The following SYNJ1 variants were observed in gnomAD, a reference collection of about 807,000 sequenced individuals.
SYNJ1 encodes synaptojanin 1, also known as polyphosphatidylinositol phosphatase SYNJ1.
A neutral mutation model predicts 168.2 loss-of-function variants in SYNJ1; 78 were observed. The observed-to-expected ratio is 0.46, with a 90% CI of 0.39 to 0.56. SYNJ1 has a LOEUF of 0.56. Among genes scored for constraint, SYNJ1 ranks in the 20% least tolerant of loss-of-function variants. The pLI is 0.00. For synonymous variants in SYNJ1, 539 were observed against 548.6 expected (o/e 0.98, Z 0.24); for missense variants, 1,303 against 1,597.6 (o/e 0.82, Z 3.14).
chr21:32,688,188 T>A, intron 7 of SYNJ1, 118 bp downstream of exon 7: 1 of 880,292 alleles, frequency 1.1e-6, no homozygotes, highest in Non-Finnish European at 1.7e-6. Context: ...TTCAATTAAA[T>A]TAGGAGTCAG....
At chr21:32,641,682 T>A (rs575083825) in intron 29 of SYNJ1, among the ~76,000 whole-genome samples, 13 of 152,354 alleles carry the variant, frequency 8.5e-5, no homozygotes, top group African/African-American at 3.1e-4. Flanking sequence ...TTTAAGTGTA[T>A]CACTTTTATC....
intron 2 of SYNJ1, among the ~76,000 whole-genome samples, chr21:32,705,928 A>G (rs1355108670): frequency 6.6e-6 from 1 of 152,158 alleles, no homozygotes; most frequent in Non-Finnish European, 1.5e-5. Context: ...TCAAGGCTGC[A>G]GTGAGCTGAG....
intron 18 of SYNJ1, among the ~76,000 whole-genome samples, chr21:32,663,427 C>G (rs1175337940): frequency 6.6e-6 from 1 of 152,122 alleles, no homozygotes; most frequent in Admixed American, 6.5e-5. Flanking sequence ...CGTGTGGACC[C>G]ATCCGGAGTC....
intron 2 of SYNJ1, among the ~76,000 whole-genome samples, chr21:32,719,298 C>T (rs906466488): frequency 6.6e-6 from 1 of 152,232 alleles, no homozygotes; most frequent in Non-Finnish European, 1.5e-5. Flanking sequence ...CAGTGCATTC[C>T]TTGGATGATA....
intron 2 of SYNJ1, among the ~76,000 whole-genome samples, chr21:32,724,261 G>T (rs1213212958): frequency 1.3e-5 from 2 of 152,210 alleles, no homozygotes; most frequent in Non-Finnish European, 2.9e-5. Flanking sequence ...GCTGAGGCAG[G>T]CGAATCACCT....
chr21:32,642,203 T>A, intron 27 of SYNJ1, 70 bp from the exon 28 acceptor site: 2 of 1,564,246 alleles, frequency 1.3e-6, no homozygotes, highest in Non-Finnish European at 1.8e-6. Flanking sequence ...TAACATCAGC[T>A]TGCTGTTCTG....
chr21:32,644,937 T>C, intron 26 of SYNJ1, 31 bp downstream of exon 26: 1 of 1,602,952 alleles, frequency 6.2e-7, no homozygotes, highest in Non-Finnish European at 8.5e-7. Flanking sequence ...TGAACCACGA[T>C]TCACACATGC....
At chr21:32,674,327 C>A (rs1015682069) in intron 13 of SYNJ1, among the ~76,000 whole-genome samples, 8 of 152,230 alleles carry the variant, frequency 5.3e-5, no homozygotes, top group African/African-American at 1.4e-4. Context: ...TCCAATGAGG[C>A]CTTCTCTGAC....
chr21:32,706,065 G>GA (rs1569118838), intron 2 of SYNJ1, among the ~76,000 whole-genome samples: 1 of 152,098 alleles, frequency 6.6e-6, no homozygotes, highest in African/African-American at 2.4e-5. Context: ...AAGACACTAT[G>GA]AAAAAAGCAC....
Position 32,684,047 on chromosome 21 carries a change from A to G in SYNJ1, c.1191T>C (p.Leu397=). The change falls in exon 10 of 33, where the codon CTT becomes CTC. Residue 397 remains leucine, a synonymous_variant. Coordinates refer to ENST00000674351, the MANE Select transcript of SYNJ1 (RefSeq NM_203446.3). ...TAATTTATTCTTTTACCTCTAAGCC[A>G]AGAAATGCCTGCACACTATTTGTTC... ...LDRTNSVQAF[L]GLEMLAKQLE... 6.2e-7 allele frequency: 1 copy of G among 1,613,652 alleles called. No homozygotes were observed. The highest frequency in any genetic ancestry group is 8.5e-7 in the Non-Finnish European group (1 of 1,179,710).
intron 12 of SYNJ1, among the ~76,000 whole-genome samples, chr21:32,676,747 T>C (rs1375716321): frequency 6.6e-6 from 1 of 152,192 alleles, no homozygotes; most frequent in Non-Finnish European, 1.5e-5. Context: ...ACACACCTTT[T>C]AGTATTCTTT....
chr21:32,643,485 T>G (rs1393927159), intron 26 of SYNJ1, 28 bp from the exon 27 acceptor site: 1 of 1,609,688 alleles, frequency 6.2e-7, no homozygotes, highest in Non-Finnish European at 8.5e-7. Flanking sequence ...AGAAACTATA[T>G]ATTGTTCAGG....
chr21:32,724,494 C>T (rs1321351016), intron 2 of SYNJ1, among the ~76,000 whole-genome samples: 1 of 152,104 alleles, frequency 6.6e-6, no homozygotes, highest in Non-Finnish European at 1.5e-5. Context: ...TCTCAAAAAA[C>T]AAACAAGCAA....
intron 2 of SYNJ1, among the ~76,000 whole-genome samples, chr21:32,710,347 T>A (rs921015888): frequency 2.0e-5 from 3 of 152,174 alleles, no homozygotes. Flanking sequence ...CCAAATAAAA[T>A]GTTAAAAAAA....
At chr21:32,714,139 C>T (rs2042938407) in intron 2 of SYNJ1, among the ~76,000 whole-genome samples, 2 of 152,086 alleles carry the variant, frequency 1.3e-5, no homozygotes, top group Middle Eastern at 3.4e-3. Flanking sequence ...TTTGAGCAGA[C>T]GGAACAGCAT....
At chr21:32,719,898 T>C (rs1047078219) in intron 2 of SYNJ1, among the ~76,000 whole-genome samples, 1 of 151,978 alleles carries the variant, frequency 6.6e-6, no homozygotes, top group Non-Finnish European at 1.5e-5. Context: ...CCTAACTATT[T>C]AATAAACAGA....
intron 2 of SYNJ1, among the ~76,000 whole-genome samples, chr21:32,714,078 C>A (rs900291566): frequency 6.6e-6 from 1 of 152,054 alleles, no homozygotes; most frequent in African/African-American, 2.4e-5. Flanking sequence ...GATTTATATA[C>A]TTTTCTACAT....
At chr21:32,701,700 G>T (rs2042408740) in intron 3 of SYNJ1, among the ~76,000 whole-genome samples, 1 of 152,086 alleles carries the variant, frequency 6.6e-6, no homozygotes, top group South Asian at 2.1e-4. Context: ...TTTCTCTTTT[G>T]ACAACTGATA....
At chr21:32,693,345 G>A (rs997050923) in intron 6 of SYNJ1, among the ~76,000 whole-genome samples, 6 of 152,136 alleles carry the variant, frequency 3.9e-5, no homozygotes, top group African/African-American at 2.4e-5. Context: ...AAGTCAAATC[G>A]TCTTGACAAG....
Sources: allele counts gnomAD v4.1 joint callset (sites outside exome capture counted in the v4.1 genomes callset), GRCh38; gene constraint gnomAD v4.1.1; transcripts MANE v1.5; gene names NCBI Gene and HGNC (gene_info 2026-07-23, HGNC 2026-07-21).